Variants in PARP6 observed in about 807,000 individuals in gnomAD.
The protein encoded by PARP6 is protein mono-ADP-ribosyltransferase PARP6.
In PARP6, 27 loss-of-function variants were observed where a neutral mutation model predicts 92.0. The observed-to-expected ratio is 0.29, with a 90% CI of 0.22 to 0.40. The LOEUF is 0.40. PARP6 is among the 10% of genes least tolerant of loss of function. PARP6 has a pLI of 1.00. For synonymous variants in PARP6, 272 were observed against 281.2 expected (o/e 0.97, Z 0.33); for missense variants, 501 against 784.5 (o/e 0.64, Z 4.32).
chr15:72,250,491 A>G lies in PARP6; in HGVS notation c.1418+354T>C, dbSNP rs1028891460. ...TAAGAAAAGGGTACTACCACTCCCT[A>G]TAAGTTCTCTTTAATACCTCTCTTT... is the stretch of plus-strand genomic sequence containing the variant. On this transcript the variant is annotated intron_variant, in intron 18 of 23. Transcript: ENST00000569795. 9.8e-5 allele frequency: 32 copies of G among 326,994 alleles called. No individual in the cohort carries two copies. In the East Asian group the frequency reaches 1.0e-3, roughly 11 times the overall value. The allele number at this position is 326,994 out of a possible 1,614,324, so 20.3% of individuals were successfully genotyped here. A position where few individuals can be genotyped will look rare whatever the true frequency, so the allele number is the denominator to read the frequency against.
chr15:72,265,483 T>G lies in PARP6; in HGVS notation c.177-10A>C, dbSNP rs369644749. 1.6e-4 allele frequency: 253 copies of G among 1,606,326 alleles called. No individual in the cohort carries two copies. The African/African-American group carries it at 3.0e-3, about 19-fold the overall frequency. ...GATAGTTCCATATTCTCTATAGAGA[T>G]ACAGGTGACAACAGGTGAGACTCAT... On this transcript the variant is annotated splice_polypyrimidine_tract_variant and intron_variant, in intron 5 of 23. Transcript: ENST00000569795.
chr15:72,265,278 G>T, intron 6 of PARP6, 107 bp from the exon 7 acceptor site: 2 of 1,040,914 alleles, frequency 1.9e-6, no homozygotes, highest in Non-Finnish European at 3.0e-6. Context: ...ACCACTGTCT[G>T]CTGATGGTCT....
chr15:72,267,558 G>C lies in PARP6; in HGVS notation c.-81C>G. 4.0e-6 allele frequency: 6 copies of C among 1,496,880 alleles called. No individual in the cohort carries two copies. The highest frequency in any genetic ancestry group is 5.6e-6 in the Non-Finnish European group (6 of 1,073,416). 92.7% of individuals were successfully genotyped at this position (1,496,880 alleles called of 1,614,324 possible). On this transcript the variant is annotated 5_prime_UTR_variant, in exon 3 of 24. It adds an upstream start codon to the 5' untranslated region. Transcript: ENST00000569795. ...CCACTAGCCGAACCAAGGCCAACGA[G>C]ATGGGCATTTAGGAGACCACAAAGG...
rs1208342982 is a variant in PARP6 at position 72,271,055 on chromosome 15, A to C, written c.-227T>G. Reference sequence around the variant, plus strand: ...AGCAGCTGAGATCCAGAATGTGAAGATCTTGGGGTGAGGTTCGTGAGATTT... The same window carrying C: ...AGCAGCTGAGATCCAGAATGTGAAGCTCTTGGGGTGAGGTTCGTGAGATTT... On this transcript the variant is annotated 5_prime_UTR_variant, in exon 2 of 24. Coordinates refer to ENST00000569795, the MANE Select transcript of PARP6 (RefSeq NM_001323532.2). The C allele has an allele frequency of 1.3e-5, 2 of 152,206 alleles. No individual in the cohort carries two copies. The highest frequency in any genetic ancestry group is 2.4e-5 in the African/African-American group (1 of 41,452). 9.4% of individuals were successfully genotyped at this position (152,206 alleles called of 1,614,324 possible).
In PARP6 at chr15:72,271,278, G is replaced by C. The variant is rs1479106348; in HGVS notation, c.-450C>G. ...TCTTTCCAAGGGCTGTTGCTGCTTGGTTTCTGTTGCTATCACAAGGAGAAA... is the reference window on the plus strand; with the variant it reads ...TCTTTCCAAGGGCTGTTGCTGCTTGCTTTCTGTTGCTATCACAAGGAGAAA... On this transcript the variant is annotated 5_prime_UTR_variant, in exon 2 of 24. Coordinates refer to ENST00000569795, the MANE Select transcript of PARP6 (RefSeq NM_001323532.2). The C allele has an allele frequency of 1.3e-5, 2 of 152,166 alleles. No homozygotes were observed. Among genetic ancestry groups the C allele is most frequent in the East Asian group, 3.9e-4 (2 of 5,186 alleles). 9.4% of individuals were successfully genotyped at this position (152,166 alleles called of 1,614,324 possible).
chr15:72,241,336 CTGCCCCTTGGTAAT>C lies in PARP6; in HGVS notation c.*105_*118del, dbSNP rs1322663927. 7 of 746,932 alleles carry C rather than the reference CTGCCCCTTGGTAAT, an allele frequency of 9.4e-6. 1 individual carries two copies. The South Asian group carries it at 1.0e-4, about 11-fold the overall frequency. The allele number at this position is 746,932 out of a possible 1,614,324, so 46.3% of individuals were successfully genotyped here. ...AGGCCACCTCTTACATATCCTTTTC[CTGCCCCTTGGTAAT>C]GGCCCCTTGATTCCTCAGGGCAGCC... is the stretch of plus-strand genomic sequence containing the variant. On this transcript the variant is annotated 3_prime_UTR_variant, in exon 24 of 24. Transcript: ENST00000569795. This position sits in a 1 kb window ranked among gnomAD's most constrained non-coding sequence, Gnocchi z 4.1.
chr15:72,250,201 C>CT, intron 18 of PARP6, 109 bp from the exon 19 acceptor site: 1 of 730,006 alleles, frequency 1.4e-6, no homozygotes, highest in African/African-American at 1.7e-5. Context: ...TGAAGATGGA[C>CT]AGGTACACCT....
chr15:72,267,065 T>C, intron 3 of PARP6: 1 of 524,716 alleles, frequency 1.9e-6, no homozygotes, highest in Non-Finnish European at 3.4e-6. Flanking sequence ...AATTTTGGCC[T>C]TCTGAAGTCT....
rs1217584773 is a variant in PARP6, at chr15:72,261,711, A to C, written c.396-4T>G. 6.2e-7 allele frequency: 1 copy of C among 1,613,880 alleles called. No individual in the cohort carries two copies. Among genetic ancestry groups the C allele is most frequent in the Non-Finnish European group, 8.5e-7 (1 of 1,179,798 alleles). On this transcript the variant is annotated splice_region_variant and splice_polypyrimidine_tract_variant and intron_variant, in intron 8 of 23. Transcript: ENST00000569795. The stretch of plus-strand genomic sequence containing the variant: ...GGATGTAAACATACCCAGGATCCTG[A>C]GGGATCAAAAAGAATGAGCTTAGGC...
At chr15:72,270,492 A>G (rs1237954093) in intron 2 of PARP6, among the ~76,000 whole-genome samples, 1 of 152,228 alleles carries the variant, frequency 6.6e-6, no homozygotes, top group Non-Finnish European at 1.5e-5. Context: ...AGGAAGATTA[A>G]CCAACACTCC....
At position 72,250,922 on chromosome 15, in the gene PARP6, G is replaced by A. The variant is rs761679249; in HGVS notation, c.1341C>T (p.Leu447=). The A allele has an allele frequency of 6.2e-7, 1 of 1,613,630 alleles. No homozygotes were observed. The highest frequency in any genetic ancestry group is 8.5e-7 in the Non-Finnish European group (1 of 1,179,808). Residue 447 remains leucine (L), a synonymous_variant, in exon 18 of 24, where the codon CTC becomes CTT. Transcript: ENST00000569795. ...CCTTGGCAGGAGGGCTGCTCAGCAG[G>A]AGGAACTGGTGTGAGGTGTGCATGA... ...LKFMHTSHQF[L]LLSSPPAKEA...
chr15:72,248,571 T>C (rs907938914), intron 20 of PARP6, among the ~76,000 whole-genome samples: 1 of 152,194 alleles, frequency 6.6e-6, no homozygotes, highest in Non-Finnish European at 1.5e-5. Context: ...GTAGTGAACA[T>C]GCAACTACAT....
At chr15:72,262,234 C>CT in intron 8 of PARP6, among the ~76,000 whole-genome samples, 1 of 152,324 alleles carries the variant, frequency 6.6e-6, no homozygotes, top group East Asian at 1.9e-4. Context: ...TAGCATTACT[C>CT]TAAGGTATTG....
chr15:72,261,527 T>TTG (rs1462719602), intron 9 of PARP6, 31 bp downstream of exon 9: 2 of 1,607,004 alleles, frequency 1.2e-6, no homozygotes, highest in Admixed American at 3.3e-5. Context: ...CACAAGGTGT[T>TTG]TACAGATGAT....
intron 15 of PARP6, 154 bp from the exon 16 acceptor site, chr15:72,253,658 C>T (rs775766735): frequency 4.3e-6 from 3 of 703,942 alleles, no homozygotes; most frequent in Non-Finnish European, 7.7e-6. Context: ...CTCAAGGAGC[C>T]CTAGTCAGGC....
Position 72,242,072 on chromosome 15 carries a change from C to A in PARP6, c.1705+85G>T. The stretch of plus-strand genomic sequence containing the variant: ...GAAGGAAGCCATGCCACTTCAACAT[C>A]ACTCTTGGCCAGATCATGTGCCAAA... On this transcript the variant is annotated intron_variant, in intron 22 of 23. Coordinates refer to ENST00000569795, the MANE Select transcript of PARP6 (RefSeq NM_001323532.2). The surrounding 1 kb of genome is among the most constrained non-coding windows in gnomAD (Gnocchi z 4.3). The A allele has an allele frequency of 6.8e-7, 1 of 1,464,546 alleles. No homozygotes were observed. Among genetic ancestry groups the A allele is most frequent in the South Asian group, 1.1e-5 (1 of 87,992 alleles). The allele number at this position is 1,464,546 out of a possible 1,614,324, so 90.7% of individuals were successfully genotyped here.
intron 7 of PARP6, 40 bp downstream of exon 7, chr15:72,265,041 A>G: frequency 7.5e-7 from 1 of 1,339,470 alleles, no homozygotes; most frequent in South Asian, 1.2e-5. Context: ...GGATTAGACC[A>G]CACTCAGACC....
At chr15:72,249,879 A>AC in intron 19 of PARP6, 141 bp downstream of exon 19, 1 of 635,268 alleles carries the variant, frequency 1.6e-6, no homozygotes, top group Non-Finnish European at 2.9e-6. Flanking sequence ...TACAGTTCTA[A>AC]CTTCCTCTCT....
chr15:72,258,236 C>T (rs1013567174), intron 11 of PARP6, 104 bp from the exon 12 acceptor site: 9 of 807,728 alleles, frequency 1.1e-5, no homozygotes, highest in African/African-American at 8.4e-5. Context: ...CTCCCAGCCC[C>T]GTGCCTAAGG....
Sources: gnomAD v4.1 joint callset for allele counts (sites outside exome capture counted in the v4.1 genomes callset) on GRCh38, gnomAD v4.1.1 for gene constraint, Gnocchi (gnomAD v3.1) non-coding constraint, MANE v1.5 for transcripts, NCBI Gene and HGNC (gene_info 2026-07-23, HGNC 2026-07-21) for gene names.